Variants in CCSER1 observed in about 807,000 individuals in gnomAD.
CCSER1 encodes the protein serine-rich coiled-coil domain-containing protein 1.
CCSER1 carries 41 observed loss-of-function variants against 82.0 expected under a neutral mutation model. That is an observed-to-expected ratio of 0.50 (90% CI 0.39 to 0.65). The LOEUF is 0.65. Ranked by LOEUF, CCSER1 falls within the 30% of genes least tolerant of loss-of-function variation. The pLI is 0.00. For missense variants in CCSER1, 1,119 were observed against 1,064.2 expected (o/e 1.05, Z -0.72); for synonymous variants, 414 against 383.9 (o/e 1.08, Z -0.92).
intron 10 of CCSER1, among the ~76,000 whole-genome samples, chr4:91,208,271 CTTTTGATGGTTTTG>C (rs370982812): frequency 6.6e-6 from 1 of 151,838 alleles, no homozygotes; most frequent in African/African-American, 2.4e-5. Flanking sequence ...TTGACGATTG[CTTTTGATGGTTTTG>C]TCATGAAATC....
At chr4:90,408,259 C>G (rs930708926) in intron 4 of CCSER1, among the ~76,000 whole-genome samples, 4 of 152,188 alleles carry the variant, frequency 2.6e-5, no homozygotes, top group Non-Finnish European at 4.4e-5. Context: ...CTTAAATGTC[C>G]TTGTCTGACA....
At chr4:91,037,553 C>T (rs565759560) in intron 9 of CCSER1, among the ~76,000 whole-genome samples, 2 of 150,672 alleles carry the variant, frequency 1.3e-5, no homozygotes, top group Non-Finnish European at 3.0e-5. Flanking sequence ...CTTTTCTTAT[C>T]GAGCACCTTG....
chr4:90,228,907 G>A (rs1743834029), intron 1 of CCSER1, among the ~76,000 whole-genome samples: 1 of 152,114 alleles, frequency 6.6e-6, no homozygotes, highest in South Asian at 2.1e-4. Flanking sequence ...GAAGCAAGAA[G>A]GGAACTTTAG....
intron 7 of CCSER1, among the ~76,000 whole-genome samples, chr4:90,729,820 G>A (rs1355521765): frequency 6.6e-6 from 1 of 152,098 alleles, no homozygotes; most frequent in African/African-American, 2.4e-5. Context: ...AGCTTGCAGT[G>A]AGCGGAGATA....
At chr4:90,840,647 C>T (rs1762460617) in intron 8 of CCSER1, among the ~76,000 whole-genome samples, 1 of 152,178 alleles carries the variant, frequency 6.6e-6, no homozygotes, top group African/African-American at 2.4e-5. Context: ...ATTTTATGTC[C>T]TCACTACAGT....
At chr4:90,737,418 G>A (rs1040076396) in intron 7 of CCSER1, among the ~76,000 whole-genome samples, 8 of 152,112 alleles carry the variant, frequency 5.3e-5, no homozygotes, top group Non-Finnish European at 1.2e-4. Context: ...TATTCCTTCA[G>A]CACTCTAAAT....
At chr4:90,625,170 A>G (rs1397825593) in intron 5 of CCSER1, among the ~76,000 whole-genome samples, 1 of 152,174 alleles carries the variant, frequency 6.6e-6, no homozygotes, top group Non-Finnish European at 1.5e-5. Flanking sequence ...GAGCACCTGA[A>G]TCTTTTTCTC....
At chr4:90,948,339 T>C (rs2150347439) in intron 9 of CCSER1, among the ~76,000 whole-genome samples, 1 of 151,924 alleles carries the variant, frequency 6.6e-6, no homozygotes, top group Non-Finnish European at 1.5e-5. Context: ...TCTTCACTTT[T>C]CAGGCAATCT....
rs369272952 is a variant in CCSER1, at chr4:90,660,095, G to A, written c.1932+31863G>A. Among the ~76,000 whole-genome samples the A allele has an allele frequency of 2.9e-3, 446 of 151,848 alleles. 36 individuals carry two copies. In the South Asian group the frequency reaches 0.088, roughly 30 times the overall value. On this transcript the variant is annotated intron_variant, in intron 6 of 10. Transcript: ENST00000509176. ...CACTGTTGGTGGAAATGTTCAGTTA[G>A]TACAATCTCTATAGGAAACAGTATG...
chr4:90,202,289 G>A (rs1357435674), intron 1 of CCSER1, among the ~76,000 whole-genome samples: 1 of 151,030 alleles, frequency 6.6e-6, no homozygotes, highest in Non-Finnish European at 1.5e-5. Context: ...TGCAACCTCT[G>A]CCTCCCAGGT....
At chr4:91,176,206 C>CG (rs141663965) in intron 10 of CCSER1, among the ~76,000 whole-genome samples, 83 of 152,338 alleles carry the variant, frequency 5.4e-4, no homozygotes, top group African/African-American at 2.0e-3. Context: ...GTACCAGTAC[C>CG]TGCTGTTTTG....
chr4:91,170,305 A>G (rs778909739), intron 10 of CCSER1, among the ~76,000 whole-genome samples: 3 of 152,122 alleles, frequency 2.0e-5, no homozygotes, highest in Non-Finnish European at 4.4e-5. Context: ...GCAGCTACTC[A>G]TACTTATAAC....
chr4:91,065,236 A>C (rs962363877), intron 9 of CCSER1, among the ~76,000 whole-genome samples: 1 of 152,202 alleles, frequency 6.6e-6, no homozygotes, highest in Non-Finnish European at 1.5e-5. Flanking sequence ...GAGATCCTTC[A>C]TCCTTAAAGA....
intron 10 of CCSER1, among the ~76,000 whole-genome samples, chr4:91,582,550 C>T (rs906916846): frequency 5.3e-5 from 8 of 151,498 alleles, no homozygotes; most frequent in East Asian, 1.9e-4. Flanking sequence ...TCATGTAGTC[C>T]GATTATGGAA....
At chr4:90,885,689 G>A (rs1455419016) in intron 8 of CCSER1, among the ~76,000 whole-genome samples, 1 of 152,118 alleles carries the variant, frequency 6.6e-6, no homozygotes, top group Non-Finnish European at 1.5e-5. Flanking sequence ...GAAAAAATAT[G>A]ATCAGTGCTA....
At chr4:91,353,046 T>G (rs1378493747) in intron 10 of CCSER1, among the ~76,000 whole-genome samples, 1 of 152,010 alleles carries the variant, frequency 6.6e-6, no homozygotes, top group Non-Finnish European at 1.5e-5. Flanking sequence ...AGAGAAGGAA[T>G]CGATGTGAAA....
chr4:90,323,632 G>T (rs1737577587), intron 3 of CCSER1, among the ~76,000 whole-genome samples: 1 of 151,860 alleles, frequency 6.6e-6, no homozygotes, highest in Non-Finnish European at 1.5e-5. Context: ...ATGGTGGTTT[G>T]GGCAATGCAA....
At chr4:90,769,890 C>T (rs1248830554) in intron 7 of CCSER1, among the ~76,000 whole-genome samples, 1 of 152,166 alleles carries the variant, frequency 6.6e-6, no homozygotes, top group Non-Finnish European at 1.5e-5. Context: ...TAGTGATCCT[C>T]AATTATCCCT....
chr4:90,746,850 T>C lies in CCSER1; in HGVS notation c.2010+22859T>C, dbSNP rs140867245. On this transcript the variant is annotated intron_variant, in intron 7 of 10. Coordinates refer to ENST00000509176, the MANE Select transcript of CCSER1 (RefSeq NM_001145065.2). Reference sequence around the variant, plus strand: ...CTTTACAGATAAGGAATTTGAAGCTTAGAATAGTTAAGTATCCTGACTGCA... The same window carrying C: ...CTTTACAGATAAGGAATTTGAAGCTCAGAATAGTTAAGTATCCTGACTGCA... 1.6e-3 allele frequency among the ~76,000 whole-genome samples: 247 copies of C among 152,378 alleles called. 1 individual carries two copies. The highest frequency in any genetic ancestry group is 5.8e-3 in the African/African-American group (240 of 41,594).
Sources: allele counts gnomAD v4.1 joint callset (sites outside exome capture counted in the v4.1 genomes callset), GRCh38; gene constraint gnomAD v4.1.1; transcripts MANE v1.5; gene names NCBI Gene and HGNC (gene_info 2026-07-23, HGNC 2026-07-21).